GCKR: variants seen among roughly 807,000 people sequenced by gnomAD.
GCKR encodes the protein glucokinase regulator, also known as glucokinase regulatory protein.
GCKR carries 73 observed loss-of-function variants against 82.9 expected under a neutral mutation model. That is an observed-to-expected ratio of 0.88 (90% CI 0.73 to 1.07). The LOEUF is 1.07. Ranked by LOEUF, GCKR falls within the 50% of genes least tolerant of loss-of-function variation. GCKR has a pLI of 0.00. For synonymous variants in GCKR, 294 were observed against 291.8 expected (o/e 1.01, Z -0.08); for missense variants, 784 against 782.1 (o/e 1.00, Z -0.03).
Position 27,501,557 on chromosome 2 carries a change from T to A in GCKR, c.644+328T>A, listed in dbSNP as rs1263516878. On this transcript the variant is annotated intron_variant, in intron 8 of 18. Transcript: ENST00000264717. ...AATGGGGTCAGGAAGATGCATACCATAAAGATTTGTGCTTTCATATGGGGG... is the reference window on the plus strand; with the variant it reads ...AATGGGGTCAGGAAGATGCATACCAAAAAGATTTGTGCTTTCATATGGGGG... 1.9e-5 allele frequency: 8 copies of A among 417,636 alleles called. No homozygotes were observed. In the Admixed American group the frequency reaches 2.8e-4, roughly 15 times the overall value. The allele number at this position is 417,636 out of a possible 1,614,324, so 25.9% of individuals were successfully genotyped here. A position where few individuals can be genotyped will look rare whatever the true frequency, so the allele number is the denominator to read the frequency against.
In GCKR at chr2:27,523,419, C is replaced by T; in HGVS notation, c.1858C>T (p.Leu620=). 1 of 1,608,444 alleles carries T rather than the reference C, an allele frequency of 6.2e-7. No homozygotes were observed. The highest frequency in any genetic ancestry group is 1.1e-5 in the South Asian group (1 of 91,072). ...QKRTADPLEI[L]EPDVQ The stretch of plus-strand genomic sequence containing the variant: ...GCGCACTGCGGACCCCCTCGAGATC[C>T]TAGAGCCTGACGTTCAGTGAACCCA... The change falls in exon 19 of 19, where the codon CTA becomes TTA. Residue 620 remains leucine, a synonymous_variant. Transcript: ENST00000264717.
chr2:27,517,679 C>T (rs1265473972), intron 16 of GCKR, among the ~76,000 whole-genome samples: 1 of 152,132 alleles, frequency 6.6e-6, no homozygotes, highest in Non-Finnish European at 1.5e-5. Flanking sequence ...TTTACTGGGC[C>T]CCAGTTTCCC....
rs1029629166 is a variant in GCKR at position 27,522,546 on chromosome 2, G to A, written c.1659G>A (p.Arg553=). 4 of 1,613,914 alleles carry A rather than the reference G, an allele frequency of 2.5e-6. No individual in the cohort carries two copies. The highest frequency in any genetic ancestry group is 1.7e-5 in the Admixed American group (1 of 59,990). Residue 553 remains arginine, a synonymous_variant, in exon 18 of 19, where the codon CGG becomes CGA. Transcript: ENST00000264717. ...CCCAGCCACTGTCAGATGATATTCG[G>A]GCTGCTCCCATCTCCTGCCATGTCC... ...HFPQPLSDDI[R]AAPISCHVQV...
At chr2:27,497,142 G>C in intron 1 of GCKR, 102 bp from the exon 2 acceptor site, 3 of 1,399,276 alleles carry the variant, frequency 2.1e-6, no homozygotes, top group Non-Finnish European at 3.0e-6. Context: ...GTGCGTGTGT[G>C]TAAGTCCAAA....
At chr2:27,504,613 G>T (rs1305185027) in intron 9 of GCKR, among the ~76,000 whole-genome samples, 1 of 151,740 alleles carries the variant, frequency 6.6e-6, no homozygotes, top group African/African-American at 2.4e-5. Flanking sequence ...CTCCCAAAGT[G>T]CTGGGATTAC....
At chr2:27,507,078 C>T (rs538855842) in intron 12 of GCKR, among the ~76,000 whole-genome samples, 157 bp from the exon 13 acceptor site, 177 of 152,290 alleles carry the variant, frequency 1.2e-3, no homozygotes, top group Non-Finnish European at 2.0e-3. Flanking sequence ...TCAGCTCCCA[C>T]CCCTGTGCTT....
rs759998851 is a variant in GCKR, at chr2:27,518,906, A to G, written c.1541A>G (p.Lys514Arg). 18 of 1,593,898 alleles carry G rather than the reference A, an allele frequency of 1.1e-5. No homozygotes were observed. In the African/African-American group the frequency reaches 1.9e-4, roughly 17 times the overall value. Reference sequence around the variant, plus strand: ...TTGGACCTTCGGATTAGCAACTCCAAGCTCTTCTGGCGGGCGCTGGCCATG... The same window carrying G: ...TTGGACCTTCGGATTAGCAACTCCAGGCTCTTCTGGCGGGCGCTGGCCATG... ...HMLDLRISNS[K>R]LFWRALAMLQ... is the part of the protein sequence containing the mutation. Residue 514 changes from lysine (K) to arginine (R), a missense_variant, in exon 17 of 19, where the codon AAG becomes AGG. Transcript: ENST00000264717.
chr2:27,501,705 C>T (rs1669582870), intron 8 of GCKR: 1 of 471,230 alleles, frequency 2.1e-6, no homozygotes, highest in East Asian at 6.9e-5. Context: ...CCTTTCCTCC[C>T]CCGAGGATCC....
At chr2:27,498,142 A>G in intron 3 of GCKR, 113 bp from the exon 4 acceptor site, 1 of 818,154 alleles carries the variant, frequency 1.2e-6, no homozygotes, top group Non-Finnish European at 2.1e-6. Flanking sequence ...TTTTGTGATG[A>G]GAGGAGGGAT....
At position 27,522,517 on chromosome 2, in the gene GCKR, T is replaced by G; in HGVS notation, c.1630T>G (p.Phe544Val). 6.2e-7 allele frequency: 1 copy of G among 1,613,986 alleles called. No homozygotes were observed. The highest frequency in any genetic ancestry group is 1.3e-5 in the African/African-American group (1 of 75,056). ...CGAGAGCCTCCTCCGAGCGATCCAC[T>G]TTCCCCAGCCACTGTCAGATGATAT... Reference protein sequence around the residue: ...CIESLLRAIHFPQPLSDDIRA... With the variant: ...CIESLLRAIHVPQPLSDDIRA... The change falls in exon 18 of 19, where the codon TTT (phenylalanine) becomes GTT (valine). Residue 544 changes from phenylalanine (F) to valine (V), a missense_variant. Coordinates refer to ENST00000264717, the MANE Select transcript of GCKR (RefSeq NM_001486.4).
At chr2:27,518,675 T>C in intron 16 of GCKR, 113 bp from the exon 17 acceptor site, 1 of 855,188 alleles carries the variant, frequency 1.2e-6, no homozygotes, top group Non-Finnish European at 2.0e-6. Flanking sequence ...CATGTTTGCA[T>C]TTTGGTCCCT....
intron 17 of GCKR, among the ~76,000 whole-genome samples, chr2:27,520,532 G>C (rs8179248): frequency 0.01 from 1,571 of 152,314 alleles, 24 homozygotes; most frequent in African/African-American, 0.036. Flanking sequence ...TTTGGACTTT[G>C]CCAAATGCAG....
rs1330802954 is a variant in GCKR at position 27,498,726 on chromosome 2, G to T, written c.357G>T (p.Val119=). 1 of 1,588,028 alleles carries T rather than the reference G, an allele frequency of 6.3e-7. No individual in the cohort carries two copies. The highest frequency in any genetic ancestry group is 8.6e-7 in the Non-Finnish European group (1 of 1,156,234). ...TSGRMAFLMS[V]SFNQLMKGLG... ...TACATCCTCTCCCTGCTTGACAGGT[G>T]TCCTTTAATCAGCTGATGAAAGGTC... The change falls in exon 5 of 19, where the codon GTG becomes GTT. Residue 119 remains valine, a splice_region_variant and synonymous_variant. Transcript: ENST00000264717.
intron 14 of GCKR, 96 bp from the exon 15 acceptor site, chr2:27,507,881 G>C (rs904843766): frequency 8.8e-7 from 1 of 1,130,098 alleles, no homozygotes; most frequent in Non-Finnish European, 1.3e-6. Flanking sequence ...CAGAGGGAGG[G>C]ACGGGGTGAA....
chr2:27,497,478 T>A (rs1669442900), intron 2 of GCKR, 79 bp downstream of exon 2: 1 of 1,583,674 alleles, frequency 6.3e-7, no homozygotes, highest in African/African-American at 1.3e-5. Flanking sequence ...TCACCATGGC[T>A]CCTAATATCG....
intron 9 of GCKR, among the ~76,000 whole-genome samples, chr2:27,505,269 G>A (rs1370695845): frequency 2.7e-5 from 4 of 150,688 alleles, no homozygotes; most frequent in South Asian, 2.1e-4. Context: ...GGTGGCGGGC[G>A]CCTGTAGTCC....
chr2:27,499,478 C>T (rs1281670177), intron 7 of GCKR, 28 bp downstream of exon 7: 2 of 1,459,108 alleles, frequency 1.4e-6, no homozygotes, highest in East Asian at 2.3e-5. Context: ...TTGAGTGGAT[C>T]AATTTTAGAG....
intron 17 of GCKR, among the ~76,000 whole-genome samples, chr2:27,521,113 A>T (rs1438829022): frequency 1.3e-5 from 2 of 152,180 alleles, no homozygotes; most frequent in African/African-American, 2.4e-5. Flanking sequence ...TGCAAAATAC[A>T]CACTGGATTT....
intron 16 of GCKR, among the ~76,000 whole-genome samples, chr2:27,513,831 T>C (rs1031130641): frequency 1.3e-5 from 2 of 152,152 alleles, no homozygotes; most frequent in African/African-American, 4.8e-5. Context: ...ATATCTTGCA[T>C]TTTTTGCTTA....
Sources: allele counts gnomAD v4.1 joint callset (sites outside exome capture counted in the v4.1 genomes callset), GRCh38; gene constraint gnomAD v4.1.1; transcripts MANE v1.5; gene names NCBI Gene and HGNC (gene_info 2026-07-23, HGNC 2026-07-21).